ACTR6: variants seen among roughly 807,000 people sequenced by gnomAD.
ACTR6 encodes the protein actin-related protein 6.
ACTR6 carries 50 observed loss-of-function variants against 52.5 expected under a neutral mutation model. The observed-to-expected ratio is 0.95, with a 90% CI of 0.76 to 1.20. The LOEUF (loss-of-function observed/expected upper bound fraction) is 1.20. Ranked by LOEUF, ACTR6 falls within the 50% of genes most tolerant of loss-of-function variation. ACTR6 has a pLI of 0.00. For synonymous variants in ACTR6, 135 were observed against 147.2 expected (o/e 0.92, Z 0.60); for missense variants, 344 against 472.4 (o/e 0.73, Z 2.52).
intron 10 of ACTR6, among the ~76,000 whole-genome samples, chr12:100,221,509 T>A (rs902660805): frequency 2.0e-5 from 3 of 151,554 alleles, no homozygotes; most frequent in African/African-American, 7.3e-5. Flanking sequence ...TCCACAGAAA[T>A]AGGTCTTATT....
rs990217212 is a variant in ACTR6, at chr12:100,200,896, C to T, written c.45C>T (p.Ile15=). Residue 15 remains isoleucine (I), a synonymous_variant, in exon 1 of 11, where the codon ATC becomes ATT. Transcript: ENST00000188312. ...VLDNGAYNAK[I]GYSHENVSVI... is the part of the protein sequence containing the mutation. Reference sequence around the variant, plus strand: ...ATAATGGAGCTTACAACGCCAAAATCGGTTACAGCCATGAAAATGTGTCGT... The same window carrying T: ...ATAATGGAGCTTACAACGCCAAAATTGGTTACAGCCATGAAAATGTGTCGT... 6.2e-6 allele frequency: 10 copies of T among 1,614,004 alleles called. No individual in the cohort carries two copies. Among genetic ancestry groups the T allele is most frequent in the East Asian group, 2.2e-5 (1 of 44,892 alleles).
At chr12:100,222,673 C>G (rs1335779888) in intron 10 of ACTR6, among the ~76,000 whole-genome samples, 8 of 152,152 alleles carry the variant, frequency 5.3e-5, no homozygotes, top group Admixed American at 5.2e-4. Context: ...GTAGCTAGGA[C>G]TACAGGTATA....
At chr12:100,212,615 G>A in intron 8 of ACTR6, 87 bp downstream of exon 8, 1 of 939,878 alleles carries the variant, frequency 1.1e-6, no homozygotes, top group Non-Finnish European at 1.7e-6. Context: ...GGAGTTAAGA[G>A]ACTGGCCTGG....
intron 8 of ACTR6, among the ~76,000 whole-genome samples, chr12:100,214,213 CTATG>C (rs1219879852): frequency 2.0e-5 from 3 of 152,118 alleles, no homozygotes; most frequent in Non-Finnish European, 4.4e-5. Flanking sequence ...GTATAAAAAA[CTATG>C]TATGTGAATG....
chr12:100,214,516 G>A (rs539377505), intron 8 of ACTR6, among the ~76,000 whole-genome samples: 18 of 148,168 alleles, frequency 1.2e-4, no homozygotes, highest in African/African-American at 3.0e-4. Context: ...GAAGTGGGAG[G>A]ATTGTTTGAG....
At chr12:100,204,264 G>A (rs1353761909) in intron 1 of ACTR6, 1 of 152,274 alleles carries the variant, frequency 6.6e-6, no homozygotes, top group African/African-American at 2.4e-5. Context: ...AGACTCCTGC[G>A]TTTAAGCAAT....
intron 8 of ACTR6, among the ~76,000 whole-genome samples, chr12:100,213,205 G>A (rs889361555): frequency 6.6e-6 from 1 of 151,982 alleles, no homozygotes; most frequent in African/African-American, 2.4e-5. Flanking sequence ...TGATCTTCCT[G>A]TCTCAGCCTC....
At chr12:100,209,031 GCCACGGCT>G (rs1473364215) in intron 4 of ACTR6, 2 of 292,018 alleles carry the variant, frequency 6.8e-6, no homozygotes, top group East Asian at 2.2e-4. Context: ...ATTGGCATAA[GCCACGGCT>G]CCAGGCCGAA....
intron 8 of ACTR6, among the ~76,000 whole-genome samples, chr12:100,214,379 A>G (rs1447628778): frequency 2.0e-5 from 3 of 152,062 alleles, no homozygotes; most frequent in South Asian, 4.1e-4. Flanking sequence ...TGAAGTATGA[A>G]TCAGAGTTCA....
At chr12:100,216,234 C>A (rs1377407889) in intron 8 of ACTR6, among the ~76,000 whole-genome samples, 2 of 152,242 alleles carry the variant, frequency 1.3e-5, no homozygotes, top group African/African-American at 2.4e-5. Flanking sequence ...CAGCTCACTG[C>A]AGCTTTGACC....
chr12:100,222,458 A>C (rs556873931), intron 10 of ACTR6, among the ~76,000 whole-genome samples: 2 of 151,730 alleles, frequency 1.3e-5, no homozygotes, highest in East Asian at 3.9e-4. Context: ...GGATCTTGCT[A>C]TGTTGCTCAG....
Position 100,210,124 on chromosome 12 carries a change from G to A in ACTR6, c.431G>A (p.Cys144Tyr). 6.2e-7 allele frequency: 1 copy of A among 1,610,940 alleles called. No homozygotes were observed. Among genetic ancestry groups the A allele is most frequent in the Non-Finnish European group, 8.5e-7 (1 of 1,178,902 alleles). ...TTCCGAGATAATCCTTCCGAATTAT[G>A]CTGTATCATTGTTGATAGTGGATAT... ...RYFRDNPSEL[C>Y]CIIVDSGYSF... is the part of the protein sequence containing the mutation. Residue 144 changes from cysteine to tyrosine, a missense_variant, in exon 5 of 11, where the codon TGC becomes TAC. Coordinates refer to ENST00000188312, the MANE Select transcript of ACTR6 (RefSeq NM_022496.5).
intron 1 of ACTR6, among the ~76,000 whole-genome samples, chr12:100,202,805 C>G (rs908135135): frequency 6.7e-6 from 1 of 149,772 alleles, no homozygotes; most frequent in Non-Finnish European, 1.5e-5. Flanking sequence ...TGCAGTGAGC[C>G]GAGATCACGC....
intron 6 of ACTR6, among the ~76,000 whole-genome samples, chr12:100,211,672 T>A (rs2153900424): frequency 6.6e-6 from 1 of 152,262 alleles, no homozygotes; most frequent in South Asian, 2.1e-4. Context: ...GAATGAATAC[T>A]GGGATGGCCA....
At chr12:100,212,067 CAG>C (rs2096120305) in intron 6 of ACTR6, among the ~76,000 whole-genome samples, 187 bp from the exon 7 acceptor site, 1 of 152,082 alleles carries the variant, frequency 6.6e-6, no homozygotes, top group South Asian at 2.1e-4. Flanking sequence ...TACCTACCCT[CAG>C]AGGAATAGTG....
intron 3 of ACTR6, chr12:100,206,087 A>G (rs2096114352): frequency 6.2e-6 from 1 of 160,478 alleles, no homozygotes; most frequent in Non-Finnish European, 1.4e-5. Flanking sequence ...TAAGGAGAAA[A>G]TGTTCAAGTT....
intron 2 of ACTR6, 108 bp from the exon 3 acceptor site, chr12:100,205,568 T>A (rs1218225281): frequency 1.5e-6 from 1 of 674,182 alleles, no homozygotes; most frequent in South Asian, 2.6e-5. Context: ...TAGATAGAAA[T>A]CAGTGATTTG....
At chr12:100,205,835 G>A in intron 3 of ACTR6, 91 bp downstream of exon 3, 1 of 714,080 alleles carries the variant, frequency 1.4e-6, no homozygotes. Flanking sequence ...ATAAACTTAT[G>A]AATAATGTTC....
chr12:100,204,847 C>T (rs78843973), intron 1 of ACTR6, 93 bp from the exon 2 acceptor site: 43,702 of 775,642 alleles, frequency 0.056, 1,509 homozygotes, highest in South Asian at 0.076. Context: ...TCTTAGGATA[C>T]GCTAATCTTT....
Sources: allele counts gnomAD v4.1 joint callset (sites outside exome capture counted in the v4.1 genomes callset), GRCh38; gene constraint gnomAD v4.1.1; transcripts MANE v1.5; gene names NCBI Gene and HGNC (gene_info 2026-07-23, HGNC 2026-07-21).